Variants in UNC13B observed in about 807,000 individuals in gnomAD.
UNC13B encodes unc-13 homolog B.
In UNC13B, 144 loss-of-function variants were observed where a neutral mutation model predicts 211.0. The ratio of observed to expected loss-of-function variants is 0.68; its 90% CI spans 0.60 to 0.78. The LOEUF is 0.78. Ranked by LOEUF, UNC13B falls within the 30% of genes least tolerant of loss-of-function variation. UNC13B has a pLI of 0.00. For missense variants in UNC13B, 1,777 were observed against 2,002.0 expected, an observed-to-expected ratio of 0.89 and a Z score of 2.14; for synonymous variants, 709 against 725.8, an observed-to-expected ratio of 0.98 and a Z score of 0.37.
chr9:35,226,904 G>A (rs776014461), intron 1 of UNC13B, among the ~76,000 whole-genome samples: 2 of 152,200 alleles, frequency 1.3e-5, no homozygotes, highest in African/African-American at 2.4e-5. Flanking sequence ...ACTCAATAGA[G>A]TGTCACATTA....
At position 35,382,477 on chromosome 9, in the gene UNC13B, A is replaced by T. The variant is rs757282321; in HGVS notation, c.10776A>T (p.Ala3592=). Reference sequence around the variant, plus strand: ...CAACTGCCTCTACCAATGTCTCTGCATCTGATCGCTTTGCAGCCTCCAACT... The same window carrying T: ...CAACTGCCTCTACCAATGTCTCTGCTTCTGATCGCTTTGCAGCCTCCAACT... ...AHTTASTNVS[A]SDRFAASNFG... is the part of the protein sequence containing the mutation. Residue 3592 remains alanine, a synonymous_variant, in exon 21 of 40, where the codon GCA becomes GCT. Transcript: ENST00000635942. 2 of 1,614,078 alleles carry T rather than the reference A, an allele frequency of 1.2e-6. No homozygotes were observed. The highest frequency in any genetic ancestry group is 1.7e-6 in the Non-Finnish European group (2 of 1,180,008).
intron 11 of UNC13B, chr9:35,352,865 C>G: frequency 1.6e-6 from 2 of 1,232,094 alleles, no homozygotes; most frequent in Non-Finnish European, 2.0e-6. Flanking sequence ...GTTTTTCAAA[C>G]AGTACAGCCA....
At position 35,382,549 on chromosome 9, in the gene UNC13B, T is replaced by C. The variant is rs767020386; in HGVS notation, c.10806+42T>C. 3.2e-6 allele frequency: 5 copies of C among 1,566,478 alleles called. No individual in the cohort carries two copies. In the African/African-American group the frequency reaches 6.9e-5, roughly 22 times the overall value. On this transcript the variant is annotated intron_variant, in intron 21 of 39. Transcript: ENST00000635942. ...CACATATGTCTGCATTTGTTACCAA[T>C]TAATAAAGTTTGATTTTTTTTTTTT...
At position 35,295,772 on chromosome 9, in the gene UNC13B, T is replaced by C. The variant is rs1829323363; in HGVS notation, c.603T>C (p.Pro201=). ...GTGAGACCAGCAACAGCTTCCCACC[T>C]CCTTACCATACAGCTTCCCAGCCCA... ...YRSETSNSFP[P]PYHTASQPNA... is the part of the protein sequence containing the mutation. Residue 201 remains proline (P), a synonymous_variant, in exon 8 of 40, where the codon CCT becomes CCC. Transcript: ENST00000635942. The C allele has an allele frequency of 6.2e-7, 1 of 1,613,876 alleles. No homozygotes were observed. Among genetic ancestry groups the C allele is most frequent in the Non-Finnish European group, 8.5e-7 (1 of 1,179,982 alleles).
chr9:35,383,655 A>G (rs550756307), intron 21 of UNC13B, among the ~76,000 whole-genome samples: 11 of 152,328 alleles, frequency 7.2e-5, no homozygotes, highest in African/African-American at 2.6e-4. Context: ...TTCTATGAAA[A>G]TCAGCTATTA....
intron 11 of UNC13B, among the ~76,000 whole-genome samples, chr9:35,316,936 T>TA (rs554458533): frequency 1.3e-5 from 2 of 152,000 alleles, no homozygotes; most frequent in East Asian, 1.9e-4. Context: ...CACATTGTTT[T>TA]AAAAAAAAGT....
intron 28 of UNC13B, 79 bp from the exon 29 acceptor site, chr9:35,397,088 G>T (rs751199057): frequency 6.9e-6 from 11 of 1,604,522 alleles, no homozygotes; most frequent in Non-Finnish European, 9.4e-6. Flanking sequence ...ACTCTTGCTG[G>T]TCAGAGCCTT....
chr9:35,290,304 C>G (rs1271613008), intron 7 of UNC13B, among the ~76,000 whole-genome samples: 6 of 151,730 alleles, frequency 4.0e-5, no homozygotes, highest in Non-Finnish European at 8.8e-5. Context: ...TGATCTAGGT[C>G]TCTCTCAGAA....
chr9:35,342,663 C>A (rs919573656), intron 11 of UNC13B, among the ~76,000 whole-genome samples: 8 of 152,226 alleles, frequency 5.3e-5, no homozygotes, highest in African/African-American at 1.9e-4. Flanking sequence ...TTCATGTGTC[C>A]ATATGTGTTT....
At chr9:35,340,595 G>A (rs1831929199) in intron 11 of UNC13B, among the ~76,000 whole-genome samples, 1 of 152,208 alleles carries the variant, frequency 6.6e-6, no homozygotes, top group Non-Finnish European at 1.5e-5. Flanking sequence ...ATGTTGCAGG[G>A]CAGCAGAAGT....
At chr9:35,173,526 C>T (rs919650696) in intron 1 of UNC13B, among the ~76,000 whole-genome samples, 8 of 151,642 alleles carry the variant, frequency 5.3e-5, no homozygotes, top group East Asian at 3.9e-4. Context: ...CTGGTTCAAG[C>T]GATTCTTGTG....
chr9:35,249,195 T>C (rs1054114704), intron 6 of UNC13B, among the ~76,000 whole-genome samples: 1 of 152,188 alleles, frequency 6.6e-6, no homozygotes, highest in African/African-American at 2.4e-5. Context: ...TTTTTTTGTT[T>C]TCCTTTTGCT....
intron 7 of UNC13B, among the ~76,000 whole-genome samples, chr9:35,290,716 A>C (rs1269490655): frequency 6.6e-6 from 1 of 151,866 alleles, no homozygotes; most frequent in Non-Finnish European, 1.5e-5. Context: ...TTATTTTGAC[A>C]AAGGAAAGAC....
At chr9:35,321,606 GATTAA>G (rs1310767368) in intron 11 of UNC13B, among the ~76,000 whole-genome samples, 1 of 152,044 alleles carries the variant, frequency 6.6e-6, no homozygotes, top group Non-Finnish European at 1.5e-5. Context: ...ACTTAAAATA[GATTAA>G]ATTACTGAGT....
At chr9:35,223,769 T>C (rs921562279) in intron 1 of UNC13B, among the ~76,000 whole-genome samples, 1 of 152,192 alleles carries the variant, frequency 6.6e-6, no homozygotes, top group Non-Finnish European at 1.5e-5. Context: ...TGAAGTGTTT[T>C]CTTCTAGTAG....
intron 6 of UNC13B, among the ~76,000 whole-genome samples, chr9:35,255,957 C>T (rs1221354345): frequency 2.0e-5 from 3 of 152,104 alleles, no homozygotes; most frequent in African/African-American, 7.2e-5. Flanking sequence ...GAAGTTAGTT[C>T]AGCCTATGCC....
rs185781837 is a variant in UNC13B at position 35,395,473 on chromosome 9, C to T, written c.11309-1003C>T. Among the ~76,000 whole-genome samples, 69 of 152,322 alleles carry T rather than the reference C, an allele frequency of 4.5e-4. 1 individual carries two copies. Among genetic ancestry groups the T allele is most frequent in the Admixed American group, 4.1e-3 (62 of 15,304 alleles). The stretch of plus-strand genomic sequence containing the variant: ...GGCCAGCTGCCCCAGCCTGGATGTT[C>T]CGCCTTGACTTGGAGGAGCATCACC... On this transcript the variant is annotated intron_variant, in intron 26 of 39. Transcript: ENST00000635942.
In UNC13B at chr9:35,239,483, G is replaced by T. The variant is rs2131542434; in HGVS notation, c.394+1657G>T. ...CACAAGGTAAATGGAGGCAGAGCGA[G>T]ATCACAGGACTGGGGCGAAATTAAA... is the stretch of plus-strand genomic sequence containing the variant. On this transcript the variant is annotated intron_variant, in intron 5 of 39. Coordinates refer to ENST00000635942, the MANE Select transcript of UNC13B (RefSeq NM_001371189.2). Among the ~76,000 whole-genome samples the T allele has an allele frequency of 2.6e-5, 4 of 152,310 alleles. 2 individuals are homozygous for T. The Middle Eastern group carries it at 0.014, about 518-fold the overall frequency.
chr9:35,271,138 CAAAAA>C (rs34349679), intron 7 of UNC13B, among the ~76,000 whole-genome samples: 1 of 75,738 alleles, frequency 1.3e-5, no homozygotes, highest in Admixed American at 1.6e-4. Context: ...GACTCCATTT[CAAAAA>C]AAAAAAAAAA....
Sources: allele counts gnomAD v4.1 joint callset (sites outside exome capture counted in the v4.1 genomes callset), GRCh38; gene constraint gnomAD v4.1.1; transcripts MANE v1.5; gene names NCBI Gene and HGNC (gene_info 2026-07-23, HGNC 2026-07-21).